The following CCDC192 variants were observed in gnomAD, a reference collection of about 807,000 sequenced individuals.
CCDC192 encodes coiled-coil domain containing 192.
intron 5 of CCDC192, among the ~76,000 whole-genome samples, chr5:127,873,582 T>C (rs1339854767): frequency 1.3e-5 from 2 of 152,220 alleles, no homozygotes; most frequent in Non-Finnish European, 2.9e-5. Flanking sequence ...TTAGTTCTTT[T>C]TGGACACTTT....
intron 5 of CCDC192, among the ~76,000 whole-genome samples, chr5:127,816,554 A>T (rs1292899853): frequency 6.6e-6 from 1 of 152,218 alleles, no homozygotes; most frequent in Non-Finnish European, 1.5e-5. Context: ...TGGTCAAATC[A>T]CACCACAGAA....
chr5:127,744,093 CAAAAA>C (rs35375542), intron 2 of CCDC192, among the ~76,000 whole-genome samples: 1 of 50,060 alleles, frequency 2.0e-5, no homozygotes. Flanking sequence ...GACTCCGTCT[CAAAAA>C]AAAAAAAAAA....
intron 6 of CCDC192, among the ~76,000 whole-genome samples, chr5:127,920,707 G>A (rs979180962): frequency 5.9e-5 from 9 of 151,892 alleles, no homozygotes; most frequent in Non-Finnish European, 1.5e-5. Flanking sequence ...CACCGCGCCC[G>A]GCTGCTAAAG....
chr5:127,745,720 T>C (rs537685796), intron 2 of CCDC192, among the ~76,000 whole-genome samples: 6 of 152,246 alleles, frequency 3.9e-5, no homozygotes, highest in Non-Finnish European at 8.8e-5. Context: ...TATATTTTCA[T>C]CATTTTGATG....
chr5:127,779,240 TA>T (rs1756047310), intron 3 of CCDC192, among the ~76,000 whole-genome samples: 1 of 152,202 alleles, frequency 6.6e-6, no homozygotes, highest in Admixed American at 6.5e-5. Context: ...TTTTTCTATA[TA>T]TATAGATACA....
At chr5:127,722,058 T>C (rs1458289189) in intron 2 of CCDC192, among the ~76,000 whole-genome samples, 2 of 152,232 alleles carry the variant, frequency 1.3e-5, no homozygotes, top group Non-Finnish European at 2.9e-5. Context: ...TTATAGTAAC[T>C]GTACTAATTT....
At chr5:127,812,732 A>T (rs1758148237) in intron 5 of CCDC192, among the ~76,000 whole-genome samples, 2 of 152,182 alleles carry the variant, frequency 1.3e-5, no homozygotes, top group South Asian at 4.1e-4. Flanking sequence ...GTTTCTGCTC[A>T]CCTTCACTTG....
At chr5:127,938,103 C>G (rs988601104) in intron 6 of CCDC192, among the ~76,000 whole-genome samples, 1 of 152,054 alleles carries the variant, frequency 6.6e-6, no homozygotes, top group African/African-American at 2.4e-5. Flanking sequence ...TTCTCCTACT[C>G]CTGATGAAAC....
intron 2 of CCDC192, among the ~76,000 whole-genome samples, chr5:127,732,647 G>A (rs1561452782): frequency 6.6e-6 from 1 of 152,186 alleles, no homozygotes; most frequent in East Asian, 1.9e-4. Flanking sequence ...TATACACCAT[G>A]GAGTACTATG....
chr5:127,815,482 G>A (rs1748966180), intron 5 of CCDC192, among the ~76,000 whole-genome samples: 1 of 152,112 alleles, frequency 6.6e-6, no homozygotes, highest in African/African-American at 2.4e-5. Flanking sequence ...TAAATTCACA[G>A]AGTTCCTGCA....
At chr5:127,850,123 C>T (rs2539714) in intron 5 of CCDC192, among the ~76,000 whole-genome samples, 139 of 152,270 alleles carry the variant, frequency 9.1e-4, no homozygotes, top group Non-Finnish European at 1.6e-3. Flanking sequence ...CTGAATCTGT[C>T]GCTTCTTTGC....
intron 6 of CCDC192, among the ~76,000 whole-genome samples, chr5:127,895,634 G>A (rs1222274094): frequency 6.6e-6 from 1 of 152,150 alleles, no homozygotes; most frequent in East Asian, 1.9e-4. Context: ...GAGGCCAGGA[G>A]TTTGAGACCA....
intron 5 of CCDC192, among the ~76,000 whole-genome samples, chr5:127,842,946 A>G (rs576171909): frequency 6.6e-6 from 1 of 152,256 alleles, no homozygotes; most frequent in South Asian, 2.1e-4. Flanking sequence ...CGAAAAGTGC[A>G]AGGAATTGGA....
intron 5 of CCDC192, among the ~76,000 whole-genome samples, chr5:127,814,236 A>G (rs1758235941): frequency 6.6e-6 from 1 of 152,200 alleles, no homozygotes; most frequent in African/African-American, 2.4e-5. Context: ...AGTAGAGGGA[A>G]TAGTCGGAAA....
At chr5:127,739,699 G>T (rs1753284622) in intron 2 of CCDC192, 1 of 152,434 alleles carries the variant, frequency 6.6e-6, no homozygotes, top group African/African-American at 2.4e-5. Flanking sequence ...TTTTCCAGGT[G>T]CCATCTGTCA....
rs192380739 is a variant in CCDC192 at position 127,753,043 on chromosome 5, T to A, written c.115-1225T>A. Among the ~76,000 whole-genome samples, 484 of 152,194 alleles carry A rather than the reference T, an allele frequency of 3.2e-3. 1 individual carries two copies. Among genetic ancestry groups the A allele is most frequent in the Non-Finnish European group, 4.7e-3 (321 of 68,000 alleles). On this transcript the variant is annotated intron_variant, in intron 2 of 6. Coordinates refer to ENST00000514853, the MANE Select transcript of CCDC192 (RefSeq NM_001317938.2). Reference sequence around the variant, plus strand: ...TCCCTAGTGAGATGAACCCGGTACCTCAGATGGAAATGCAGAAATCACCCG... The same window carrying A: ...TCCCTAGTGAGATGAACCCGGTACCACAGATGGAAATGCAGAAATCACCCG...
intron 5 of CCDC192, among the ~76,000 whole-genome samples, chr5:127,844,656 G>A (rs151293962): frequency 1.3e-3 from 195 of 152,272 alleles, no homozygotes; most frequent in African/African-American, 4.2e-3. Flanking sequence ...GCTGTGTGGC[G>A]GATGAGTGAG....
chr5:127,735,905 T>C (rs1315631536), intron 2 of CCDC192, among the ~76,000 whole-genome samples: 4 of 133,556 alleles, frequency 3.0e-5, no homozygotes, highest in Non-Finnish European at 6.1e-5. Context: ...CTTTTCCTAA[T>C]TGAATACCGT....
chr5:127,776,261 A>AAGTTTGCTTTG (rs139307845), intron 3 of CCDC192, among the ~76,000 whole-genome samples: 6,693 of 152,268 alleles, frequency 0.044, 492 homozygotes, highest in African/African-American at 0.15. Flanking sequence ...CTTGCTGGGA[A>AAGTTTGCTTTG]CTTAAGCAAA....
Sources: gnomAD v4.1 joint callset for allele counts (sites outside exome capture counted in the v4.1 genomes callset) on GRCh38, gnomAD v4.1.1 for gene constraint, MANE v1.5 for transcripts, NCBI Gene and HGNC (gene_info 2026-07-23, HGNC 2026-07-21) for gene names.